MAOA: variants seen among roughly 807,000 people sequenced by gnomAD.
MAOA encodes the protein monoamine oxidase A, also known as amine oxidase [flavin-containing] A.
In MAOA, 6 loss-of-function variants were observed where a neutral mutation model predicts 42.0. That is an observed-to-expected ratio of 0.14 (90% CI 0.08 to 0.28). The LOEUF is 0.28. Among genes scored for constraint, MAOA ranks in the 10% least tolerant of loss-of-function variants. The pLI, the probability that MAOA is intolerant of heterozygous loss-of-function variation, is 1.00. For missense variants in MAOA, 262 were observed against 422.3 expected (o/e 0.62, Z 3.33); for synonymous variants, 140 against 154.0 (o/e 0.91, Z 0.67).
rs759784414 is a variant in MAOA at position 43,723,483 on chromosome X, C to G, written c.504-4690C>G. Among the ~76,000 whole-genome samples, 71 of 111,357 alleles carry G rather than the reference C, an allele frequency of 6.4e-4. 1 individual carries two copies. The highest frequency in any genetic ancestry group is 1.1e-3 in the Non-Finnish European group (58 of 52,936). ...ATAGGAGTTCACTCATGATTTGGCT[C>G]TCTGTCTGTTATTGGTGTATAGGAA... On this transcript the variant is annotated intron_variant, in intron 5 of 14. Transcript: ENST00000338702.
At chrX:43,732,650 C>T (rs1318802947) in intron 8 of MAOA, 49 bp from the exon 9 acceptor site, 1 of 841,369 alleles carries the variant, frequency 1.2e-6, no homozygotes, top group African/African-American at 2.0e-5. Context: ...GTATGGGTGT[C>T]TCTGATGAGC....
At chrX:43,698,399 T>C (rs1274370296) in intron 3 of MAOA, among the ~76,000 whole-genome samples, 1 of 112,144 alleles carries the variant, frequency 8.9e-6, no homozygotes, top group African/African-American at 3.2e-5. Context: ...TACACCTTAG[T>C]GGTGTTTCCT....
rs1258145355 is a variant in MAOA at position 43,672,179 on chromosome X, A to C, written c.74-11334A>C. ...TTCACATCCCTTGTAAGTTGGATTC[A>C]TAGGTATTTTATTCTCTTTGAAGCA... On this transcript the variant is annotated intron_variant, in intron 1 of 14. Coordinates refer to ENST00000338702, the MANE Select transcript of MAOA (RefSeq NM_000240.4). Among the ~76,000 whole-genome samples the C allele has an allele frequency of 8.4e-3, 939 of 111,227 alleles. 11 individuals carry two copies. Among genetic ancestry groups the C allele is most frequent in the African/African-American group, 0.029 (893 of 30,559 alleles).
intron 2 of MAOA, among the ~76,000 whole-genome samples, chrX:43,687,536 G>A (rs2033496926): frequency 8.9e-6 from 1 of 111,925 alleles, no homozygotes; most frequent in African/African-American, 3.2e-5. Flanking sequence ...ATTATATGAG[G>A]GCACATTAAA....
chrX:43,684,752 C>T (rs780082119), intron 2 of MAOA, among the ~76,000 whole-genome samples: 5 of 111,064 alleles, frequency 4.5e-5, no homozygotes, highest in Admixed American at 9.5e-5. Flanking sequence ...AACAGAATGG[C>T]GTAAGCAATG....
At chrX:43,738,440 T>TA (rs1387693168) in intron 10 of MAOA, among the ~76,000 whole-genome samples, 1 of 112,250 alleles carries the variant, frequency 8.9e-6, no homozygotes, top group Non-Finnish European at 1.9e-5. Flanking sequence ...TTTTTAACAT[T>TA]CATGAATGAA....
intron 9 of MAOA, among the ~76,000 whole-genome samples, chrX:43,734,099 A>G (rs2033902201): frequency 9.6e-6 from 1 of 104,475 alleles, no homozygotes; most frequent in Non-Finnish European, 2.0e-5. Context: ...TGGGAGTTAG[A>G]TATAGTGATG....
chrX:43,689,206 A>G (rs758167790), intron 2 of MAOA, among the ~76,000 whole-genome samples: 3 of 111,631 alleles, frequency 2.7e-5, no homozygotes, highest in Non-Finnish European at 5.6e-5. Context: ...CAGCCTCCCC[A>G]GTAGCTGGGA....
upstream of MAOA, chrX:43,656,093 C>G (rs916863368): frequency 1.0e-4 from 44 of 419,166 alleles, no homozygotes; most frequent in Admixed American, 1.2e-4. Flanking sequence ...AGTGTCAGTA[C>G]AAGGGTCCGC....
chrX:43,731,184 G>A, intron 6 of MAOA, 57 bp from the exon 7 acceptor site: 5 of 1,145,672 alleles, frequency 4.4e-6, no homozygotes, highest in Non-Finnish European at 6.0e-6. Flanking sequence ...TAGCCAGTAG[G>A]ATTTTCCTTC....
intron 1 of MAOA, among the ~76,000 whole-genome samples, chrX:43,680,453 A>C (rs772276379): frequency 8.4e-4 from 94 of 111,500 alleles, no homozygotes; most frequent in Non-Finnish European, 1.6e-3. Flanking sequence ...CAGTAGTATT[A>C]TTTAACATGT....
At chrX:43,702,051 A>G (rs2033628692) in intron 3 of MAOA, among the ~76,000 whole-genome samples, 1 of 112,067 alleles carries the variant, frequency 8.9e-6, no homozygotes, top group Non-Finnish European at 1.9e-5. Flanking sequence ...AATCTTAAAC[A>G]GCCTCTAACG....
At chrX:43,741,497 T>G (rs1442194745) in intron 11 of MAOA, among the ~76,000 whole-genome samples, 1 of 111,897 alleles carries the variant, frequency 8.9e-6, no homozygotes, top group Non-Finnish European at 1.9e-5. Flanking sequence ...AAAGCCTTTC[T>G]TAGACATTTG....
intron 5 of MAOA, among the ~76,000 whole-genome samples, chrX:43,722,772 C>T (rs963364147): frequency 3.6e-5 from 4 of 111,828 alleles, no homozygotes; most frequent in African/African-American, 1.3e-4. Flanking sequence ...ATCCCTATGT[C>T]CTGAATGGTA....
intron 9 of MAOA, among the ~76,000 whole-genome samples, chrX:43,733,806 G>A (rs2033900283): frequency 9.0e-6 from 1 of 111,539 alleles, no homozygotes; most frequent in Admixed American, 9.5e-5. Flanking sequence ...TTGTGCTGCT[G>A]GTTACTAATG....
At chrX:43,715,820 GT>G (rs2033738858) in intron 5 of MAOA, among the ~76,000 whole-genome samples, 1 of 110,674 alleles carries the variant, frequency 9.0e-6, no homozygotes, top group African/African-American at 3.3e-5. Flanking sequence ...GGGAGGGCAT[GT>G]TACTTCTCAG....
chrX:43,732,550 G>T (rs2033890203), intron 8 of MAOA, 149 bp from the exon 9 acceptor site: 1 of 412,448 alleles, frequency 2.4e-6, no homozygotes, highest in Non-Finnish European at 4.1e-6. Context: ...TTCAGTGTGT[G>T]TATTTAACAA....
At chrX:43,683,438 T>A in intron 1 of MAOA, 75 bp from the exon 2 acceptor site, 1 of 718,381 alleles carries the variant, frequency 1.4e-6, no homozygotes, top group Non-Finnish European at 2.2e-6. Context: ...TGCATTTATT[T>A]GATGTGTAGA....
chrX:43,719,221 G>A, intron 5 of MAOA, among the ~76,000 whole-genome samples: 1 of 111,278 alleles, frequency 9.0e-6, no homozygotes, highest in Non-Finnish European at 1.9e-5. Context: ...ATCTCGAAAT[G>A]ACCCAGAGGG....
Sources: allele counts gnomAD v4.1 joint callset (sites outside exome capture counted in the v4.1 genomes callset), GRCh38; gene constraint gnomAD v4.1.1; transcripts MANE v1.5; gene names NCBI Gene and HGNC (gene_info 2026-07-23, HGNC 2026-07-21).